The following PPP3CA variants were observed in gnomAD, a reference collection of about 807,000 sequenced individuals.
PPP3CA encodes the protein CAM-PRP catalytic subunit.
In PPP3CA, 14 loss-of-function variants were observed where a neutral mutation model predicts 66.5. The ratio of observed to expected loss-of-function variants is 0.21; its 90% CI spans 0.14 to 0.33. The LOEUF (loss-of-function observed/expected upper bound fraction) is 0.33, where lower values mean the gene tolerates loss of function less well. Ranked by LOEUF, PPP3CA falls within the 10% of genes least tolerant of loss-of-function variation. The pLI is 1.00. For synonymous variants in PPP3CA, 232 were observed against 226.2 expected (o/e 1.03, Z -0.23); for missense variants, 317 against 639.5 (o/e 0.50, Z 5.44).
In PPP3CA at chr4:101,025,930, T is replaced by C; in HGVS notation, c.1501A>G (p.Lys501Glu). 1 of 1,613,016 alleles carries C rather than the reference T, an allele frequency of 6.2e-7. No homozygotes were observed. Among genetic ancestry groups the C allele is most frequent in the Non-Finnish European group, 8.5e-7 (1 of 1,179,732 alleles). ...PSDANLNSIN[K>E]ALTSETNGTD... Reference sequence around the variant, plus strand: ...CCGTTAGTCTCTGAGGTGAGAGCCTTGTTGATGGAGTTAAGGTTGGCGTCA... The same window carrying C: ...CCGTTAGTCTCTGAGGTGAGAGCCTCGTTGATGGAGTTAAGGTTGGCGTCA... The change falls in exon 14 of 14, where the codon AAG (lysine) becomes GAG (glutamate). Residue 501 changes from lysine (K) to glutamate (E), a missense_variant. By Grantham distance (56) the Lys-to-Glu change is moderately conservative (BLOSUM62 1). Around this residue, in one of 3 missense-constraint regions of PPP3CA, gnomAD observed 40 missense variants for 38.6 expected, o/e 1.04. Coordinates refer to ENST00000394854, the MANE Select transcript of PPP3CA (RefSeq NM_000944.5).
At chr4:101,221,337 T>A (rs759839759) in intron 1 of PPP3CA, among the ~76,000 whole-genome samples, 1 of 151,572 alleles carries the variant, frequency 6.6e-6, no homozygotes, top group African/African-American at 2.4e-5. Flanking sequence ...AATAAGTAAG[T>A]CTATCCCTAT....
intron 2 of PPP3CA, among the ~76,000 whole-genome samples, chr4:101,149,260 A>C (rs1200624309): frequency 6.6e-6 from 1 of 152,132 alleles, no homozygotes; most frequent in Non-Finnish European, 1.5e-5. Flanking sequence ...CTACAAGTTA[A>C]ACAAATTGGC....
chr4:101,174,769 G>A (rs1247575076), intron 2 of PPP3CA, among the ~76,000 whole-genome samples: 4 of 152,104 alleles, frequency 2.6e-5, no homozygotes, highest in Admixed American at 6.6e-5. Context: ...CAAAGCCTGC[G>A]GTAAGATTGT....
Position 101,183,942 on chromosome 4 carries a change from G to C in PPP3CA, c.259+11974C>G, listed in dbSNP as rs146966819. Among the ~76,000 whole-genome samples, 151 of 152,256 alleles carry C rather than the reference G, an allele frequency of 9.9e-4. 2 individuals are homozygous for C. The highest frequency in any genetic ancestry group is 3.3e-3 in the African/African-American group (137 of 41,560). ...GAATCACTACTATGAGGAATGGCTA[G>C]TTACAGAGGCTTTCTAACTGTAAGT... On this transcript the variant is annotated intron_variant, in intron 2 of 13. Transcript: ENST00000394854.
intron 1 of PPP3CA, among the ~76,000 whole-genome samples, chr4:101,285,946 C>T (rs1187875130): frequency 6.6e-6 from 1 of 152,134 alleles, no homozygotes; most frequent in African/African-American, 2.4e-5. Flanking sequence ...TGCAAAAGCA[C>T]ATATACTTTA....
chr4:101,146,827 C>T (rs981443723), intron 2 of PPP3CA, among the ~76,000 whole-genome samples: 25 of 152,120 alleles, frequency 1.6e-4, no homozygotes, highest in African/African-American at 5.8e-4. Context: ...ATCCAAAATG[C>T]TTGGGACCAG....
At chr4:101,090,112 A>G (rs966148093) in intron 6 of PPP3CA, among the ~76,000 whole-genome samples, 4 of 152,206 alleles carry the variant, frequency 2.6e-5, no homozygotes, top group African/African-American at 9.7e-5. Context: ...GTGCCCATCT[A>G]GATCCACTTT....
At chr4:101,267,926 T>C (rs1030922161) in intron 1 of PPP3CA, among the ~76,000 whole-genome samples, 1 of 152,134 alleles carries the variant, frequency 6.6e-6, no homozygotes, top group African/African-American at 2.4e-5. Flanking sequence ...AAATAAATAA[T>C]TTCCTCCTTT....
chr4:101,146,241 A>T (rs986129001), intron 2 of PPP3CA, among the ~76,000 whole-genome samples: 1 of 152,246 alleles, frequency 6.6e-6, no homozygotes, highest in Admixed American at 6.5e-5. Flanking sequence ...CAGATTAGGT[A>T]GGAGCTTTGC....
chr4:101,036,950 T>C (rs1288017994), intron 11 of PPP3CA, among the ~76,000 whole-genome samples: 1 of 152,168 alleles, frequency 6.6e-6, no homozygotes, highest in East Asian at 1.9e-4. Flanking sequence ...GCCTCTCATA[T>C]AGGTAAGGGT....
chr4:101,322,094 C>A (rs1729058249), intron 1 of PPP3CA, among the ~76,000 whole-genome samples: 1 of 152,186 alleles, frequency 6.6e-6, no homozygotes, highest in Non-Finnish European at 1.5e-5. Context: ...AGAGAAATAA[C>A]AGTCACTCTC....
chr4:101,268,760 C>T (rs904663752), intron 1 of PPP3CA, among the ~76,000 whole-genome samples: 1 of 151,980 alleles, frequency 6.6e-6, no homozygotes, highest in Admixed American at 6.6e-5. Flanking sequence ...ACCAAATGTC[C>T]AAGACTTCTG....
At position 101,050,162 on chromosome 4, in the gene PPP3CA, A is replaced by T. The variant is rs188098199; in HGVS notation, c.1157-9596T>A. ...ATTATTATAAATATATTATTATCTT[A>T]TCAGGAGAACGGATGTGCTAGTTGA... On this transcript the variant is annotated intron_variant, in intron 10 of 13. Coordinates refer to ENST00000394854, the MANE Select transcript of PPP3CA (RefSeq NM_000944.5). 1.2e-4 allele frequency among the ~76,000 whole-genome samples: 19 copies of T among 152,184 alleles called. No homozygotes were observed. The East Asian group carries it at 3.7e-3, about 29-fold the overall frequency.
intron 1 of PPP3CA, among the ~76,000 whole-genome samples, chr4:101,267,557 C>T (rs1727206938): frequency 6.6e-6 from 1 of 152,044 alleles, no homozygotes; most frequent in Admixed American, 6.6e-5. Context: ...GTGCATGAAG[C>T]CCGTACTATA....
intron 1 of PPP3CA, among the ~76,000 whole-genome samples, chr4:101,309,915 G>A (rs537475528): frequency 1.3e-5 from 2 of 152,268 alleles, no homozygotes; most frequent in East Asian, 1.9e-4. Flanking sequence ...TCAACGACAC[G>A]TTATGATTGA....
intron 11 of PPP3CA, among the ~76,000 whole-genome samples, chr4:101,038,561 G>T (rs948950183): frequency 1.3e-5 from 2 of 151,876 alleles, no homozygotes; most frequent in African/African-American, 4.8e-5. Flanking sequence ...GTAGAGACAG[G>T]GTTTCTCCAT....
At chr4:101,114,959 A>T (rs1721793765) in intron 2 of PPP3CA, among the ~76,000 whole-genome samples, 1 of 152,084 alleles carries the variant, frequency 6.6e-6, no homozygotes, top group Non-Finnish European at 1.5e-5. Context: ...TACAAACAAA[A>T]CATAAATATT....
At chr4:101,052,355 A>T (rs1484594860) in intron 10 of PPP3CA, among the ~76,000 whole-genome samples, 1 of 152,046 alleles carries the variant, frequency 6.6e-6, no homozygotes, top group Non-Finnish European at 1.5e-5. Context: ...ATAAATGCCC[A>T]TGTGTTTTTC....
intron 1 of PPP3CA, among the ~76,000 whole-genome samples, chr4:101,248,037 G>T (rs900647631): frequency 1.3e-5 from 2 of 152,174 alleles, no homozygotes; most frequent in Non-Finnish European, 2.9e-5. Flanking sequence ...AATGGTAACG[G>T]AAAGGAGCTT....
Sources: gnomAD v4.1 joint callset for allele counts (sites outside exome capture counted in the v4.1 genomes callset) on GRCh38, gnomAD v4.1.1 for gene constraint, gnomAD v4.1.1 regional missense constraint, MANE v1.5 for transcripts, NCBI Gene and HGNC (gene_info 2026-07-23, HGNC 2026-07-21) for gene names.